The following VWC2 variants were observed in gnomAD, a reference collection of about 807,000 sequenced individuals.
The protein encoded by VWC2 is brorin.
In VWC2, 14 loss-of-function variants were observed where a neutral mutation model predicts 29.8. The observed-to-expected ratio is 0.47, with a 90% CI of 0.31 to 0.74. The LOEUF (loss-of-function observed/expected upper bound fraction) is 0.74, where lower values mean the gene tolerates loss of function less well. Ranked by LOEUF, VWC2 falls within the 30% of genes least tolerant of loss-of-function variation. VWC2 has a pLI of 0.05. For missense variants in VWC2, 457 were observed against 459.8 expected (o/e 0.99, Z 0.05); for synonymous variants, 213 against 199.0 (o/e 1.07, Z -0.59).
chr7:49,899,308 A>C (rs1224973127), intron 3 of VWC2, among the ~76,000 whole-genome samples: 1 of 152,064 alleles, frequency 6.6e-6, no homozygotes, highest in East Asian at 1.9e-4. Flanking sequence ...ATGAATGTTC[A>C]TCATGCTATT....
At chr7:49,834,579 G>A (rs1562723297) in intron 3 of VWC2, among the ~76,000 whole-genome samples, 1 of 152,210 alleles carries the variant, frequency 6.6e-6, no homozygotes, top group Non-Finnish European at 1.5e-5. Flanking sequence ...CGTGGCAGAT[G>A]GAGCTGAGGT....
chr7:49,836,697 C>G (rs936951344), intron 3 of VWC2, among the ~76,000 whole-genome samples: 2 of 151,492 alleles, frequency 1.3e-5, no homozygotes, highest in Middle Eastern at 3.2e-3. Context: ...AAATCTATAC[C>G]TAGGTGTGCA....
intron 3 of VWC2, among the ~76,000 whole-genome samples, chr7:49,909,977 T>C (rs2128742060): frequency 6.6e-6 from 1 of 151,766 alleles, no homozygotes; most frequent in South Asian, 2.1e-4. Flanking sequence ...GGTGTGGTGG[T>C]GTGCTCCTCT....
intron 2 of VWC2, among the ~76,000 whole-genome samples, chr7:49,784,121 T>G (rs1788242700): frequency 6.6e-6 from 1 of 152,226 alleles, no homozygotes; most frequent in Admixed American, 6.5e-5. Flanking sequence ...AAAATGTTAT[T>G]TGTATAAATT....
Position 49,777,361 on chromosome 7 carries a change from A to G in VWC2, c.696+1230A>G, listed in dbSNP as rs115498691. Among the ~76,000 whole-genome samples the G allele has an allele frequency of 4.7e-3, 718 of 152,344 alleles. 9 individuals are homozygous for G. Among genetic ancestry groups the G allele is most frequent in the African/African-American group, 0.016 (671 of 41,570 alleles). On this transcript the variant is annotated intron_variant, in intron 2 of 3. Transcript: ENST00000340652. ...TTGTGGCAATGAATTATCAAGTGTT[A>G]TATAAGTACAAAGCCAGGAAGGACA...
intron 3 of VWC2, among the ~76,000 whole-genome samples, chr7:49,870,232 C>T (rs1417570008): frequency 6.6e-6 from 1 of 152,078 alleles, no homozygotes; most frequent in East Asian, 1.9e-4. Context: ...AACTCCGTCT[C>T]TACTAAAAAT....
intron 2 of VWC2, among the ~76,000 whole-genome samples, chr7:49,787,108 G>T (rs1788316663): frequency 6.6e-6 from 1 of 152,102 alleles, no homozygotes; most frequent in South Asian, 2.1e-4. Context: ...CACTCACCAA[G>T]TTCTCACTAC....
At chr7:49,899,698 G>T (rs1792603770) in intron 3 of VWC2, among the ~76,000 whole-genome samples, 1 of 151,918 alleles carries the variant, frequency 6.6e-6, no homozygotes, top group African/African-American at 2.4e-5. Context: ...ACTGCAAGAA[G>T]AAACAGGTGA....
At chr7:49,876,986 A>T (rs1324792603) in intron 3 of VWC2, among the ~76,000 whole-genome samples, 1 of 152,068 alleles carries the variant, frequency 6.6e-6, no homozygotes, top group Admixed American at 6.6e-5. Flanking sequence ...ATTCAGCCAC[A>T]TTTATTCCTT....
chr7:49,839,606 C>CA (rs5884132), intron 3 of VWC2, among the ~76,000 whole-genome samples: 3,776 of 141,602 alleles, frequency 0.027, 152 homozygotes, highest in African/African-American at 0.09. Flanking sequence ...AAACAAGAGC[C>CA]AAAAAAAAAA....
intron 2 of VWC2, among the ~76,000 whole-genome samples, chr7:49,786,147 C>T (rs1217887914): frequency 6.6e-6 from 1 of 152,198 alleles, no homozygotes; most frequent in Admixed American, 6.5e-5. Flanking sequence ...CCTCGCCCCT[C>T]TCATAGTCTC....
At chr7:49,895,509 A>G in intron 3 of VWC2, among the ~76,000 whole-genome samples, 1 of 152,230 alleles carries the variant, frequency 6.6e-6, no homozygotes, top group Non-Finnish European at 1.5e-5. Flanking sequence ...ATGATCACAG[A>G]AAAAATCAGT....
rs1788662540 is a variant in VWC2 at position 49,798,821 on chromosome 7, C to A, written c.697-3890C>A. On this transcript the variant is annotated intron_variant, in intron 2 of 3. Coordinates refer to ENST00000340652, the MANE Select transcript of VWC2 (RefSeq NM_198570.5). ...TTTATTTTGCTACTTTAACAACATT[C>A]CCTTCCTTACATGAGGGCTGTGCAA... Among the ~76,000 whole-genome samples the A allele has an allele frequency of 1.3e-5, 2 of 152,168 alleles. 1 individual carries two copies. The highest frequency in any genetic ancestry group is 4.1e-4 in the South Asian group (2 of 4,826).
At chr7:49,867,228 C>CA (rs1379188685) in intron 3 of VWC2, among the ~76,000 whole-genome samples, 2 of 152,176 alleles carry the variant, frequency 1.3e-5, no homozygotes, top group African/African-American at 4.8e-5. Flanking sequence ...TATCCCTTAA[C>CA]AATGCCATAG....
At chr7:49,856,135 G>A (rs1474992572) in intron 3 of VWC2, among the ~76,000 whole-genome samples, 2 of 152,192 alleles carry the variant, frequency 1.3e-5, no homozygotes, top group Non-Finnish European at 2.9e-5. Flanking sequence ...AAAGACAGGT[G>A]ATAAGGTTAG....
chr7:49,823,857 C>T (rs1381160365), intron 3 of VWC2, among the ~76,000 whole-genome samples: 2 of 152,168 alleles, frequency 1.3e-5, no homozygotes, highest in African/African-American at 2.4e-5. Flanking sequence ...CAGTGATGAG[C>T]ATCTTTTCAT....
intron 3 of VWC2, among the ~76,000 whole-genome samples, chr7:49,864,593 T>G (rs777444293): frequency 1.3e-4 from 20 of 152,190 alleles, no homozygotes; most frequent in Non-Finnish European, 1.6e-4. Context: ...CAGGTTGTTG[T>G]CAGCCTTACG....
intron 3 of VWC2, among the ~76,000 whole-genome samples, chr7:49,885,993 G>A (rs1340672878): frequency 2.0e-5 from 3 of 152,336 alleles, no homozygotes; most frequent in East Asian, 1.9e-4. Context: ...CATTTTTGAC[G>A]TGATGCATTT....
intron 3 of VWC2, among the ~76,000 whole-genome samples, chr7:49,864,707 G>A (rs1028207753): frequency 6.6e-6 from 1 of 152,232 alleles, no homozygotes; most frequent in Admixed American, 6.5e-5. Flanking sequence ...GCTCCAGACA[G>A]TTTCAAACAG....
Sources: gnomAD v4.1 joint callset for allele counts (sites outside exome capture counted in the v4.1 genomes callset) on GRCh38, gnomAD v4.1.1 for gene constraint, MANE v1.5 for transcripts, NCBI Gene and HGNC (gene_info 2026-07-23, HGNC 2026-07-21) for gene names.